The following RBM33 variants were observed in gnomAD, a reference collection of about 807,000 sequenced individuals.
RBM33 encodes RNA-binding protein 33.
Under a neutral mutation model 132.6 loss-of-function variants are expected in RBM33, and 28 were observed. The ratio of observed to expected loss-of-function variants is 0.21; its 90% CI spans 0.16 to 0.29. RBM33 has a LOEUF of 0.29. RBM33 is among the 10% of genes least tolerant of loss of function. The probability of loss-of-function intolerance (pLI) is 1.00; values close to 1 mark genes in which losing one functional copy is unlikely to be tolerated. For missense variants in RBM33, 1,291 were observed against 1,518.5 expected, an observed-to-expected ratio of 0.85 and a Z score of 2.49; for synonymous variants, 634 against 593.0, an observed-to-expected ratio of 1.07 and a Z score of -1.01.
At chr7:155,761,022 G>C (rs1802018821) in intron 14 of RBM33, among the ~76,000 whole-genome samples, 1 of 152,202 alleles carries the variant, frequency 6.6e-6, no homozygotes, top group African/African-American at 2.4e-5. Context: ...AGCGTTAGGT[G>C]GGAGAACCCA....
chr7:155,737,505 C>CT, intron 9 of RBM33, 25 bp from the exon 10 acceptor site: 1 of 1,563,760 alleles, frequency 6.4e-7, no homozygotes. Flanking sequence ...CACCCTGTTT[C>CT]TCTGTTGTTG....
At chr7:155,662,021 C>T (rs1320829266) in intron 1 of RBM33, among the ~76,000 whole-genome samples, 1 of 152,102 alleles carries the variant, frequency 6.6e-6, no homozygotes, top group African/African-American at 2.4e-5. Context: ...GGGCTAATTA[C>T]TGTTATTTGC....
intron 1 of RBM33, among the ~76,000 whole-genome samples, chr7:155,660,355 T>TCA (rs1798607088): frequency 6.6e-6 from 1 of 152,288 alleles, no homozygotes; most frequent in African/African-American, 2.4e-5. Context: ...CAGGCATGAG[T>TCA]CACTATGCTC....
chr7:155,682,228 GT>G (rs1799356805), intron 5 of RBM33, among the ~76,000 whole-genome samples: 1 of 152,014 alleles, frequency 6.6e-6, no homozygotes, highest in Non-Finnish European at 1.5e-5. Context: ...GCCCTCAATA[GT>G]TTTAAGATTT....
intron 14 of RBM33, among the ~76,000 whole-genome samples, chr7:155,754,363 A>G (rs1801779808): frequency 6.6e-6 from 1 of 152,122 alleles, no homozygotes; most frequent in Non-Finnish European, 1.5e-5. Context: ...GTTCTGCAGA[A>G]CTTGCTCAGT....
intron 1 of RBM33, among the ~76,000 whole-genome samples, chr7:155,662,762 A>G (rs1798687086): frequency 6.6e-6 from 1 of 151,586 alleles, no homozygotes; most frequent in South Asian, 2.1e-4. Flanking sequence ...AGGAGCCCAC[A>G]TGTCTCAGTA....
chr7:155,691,864 AC>A (rs1407423857), intron 5 of RBM33, among the ~76,000 whole-genome samples: 1 of 152,102 alleles, frequency 6.6e-6, no homozygotes, highest in East Asian at 1.9e-4. Flanking sequence ...AACATGGGCA[AC>A]ATGGCAAAGC....
At chr7:155,730,310 A>G (rs1435319430) in intron 9 of RBM33, among the ~76,000 whole-genome samples, 1 of 152,198 alleles carries the variant, frequency 6.6e-6, no homozygotes, top group Admixed American at 6.5e-5. Flanking sequence ...CAGGGAATCT[A>G]TACTGATTTG....
chr7:155,745,224 A>C lies in RBM33; in HGVS notation c.2601A>C (p.Arg867Ser). 6.2e-7 allele frequency: 1 copy of C among 1,612,674 alleles called. No individual in the cohort carries two copies. The highest frequency in any genetic ancestry group is 8.5e-7 in the Non-Finnish European group (1 of 1,179,258). ...TGCCCTTTCCAGGTGCACAGGTCAG[A>C]CAAAATGTGAAGAACAGACTTCTTG... is the stretch of plus-strand genomic sequence containing the variant. ...PLLPFPGAQV[R>S]QNVKNRLLVK... The change falls in exon 14 of 18, where the codon AGA becomes AGC. Residue 867 changes from arginine (R) to serine (S), a missense_variant. Physicochemically the swap from Arg to Ser is moderately radical, Grantham distance 110 (BLOSUM62 -1). This residue lies in a region of RBM33 where 841 missense variants were observed against 912.0 expected (regional missense o/e 0.92). Transcript: ENST00000401878. The surrounding 1 kb of genome is among the most constrained non-coding windows in gnomAD (Gnocchi z 4.1).
intron 5 of RBM33, among the ~76,000 whole-genome samples, chr7:155,683,270 CA>C (rs1185837178): frequency 6.6e-6 from 1 of 152,190 alleles, no homozygotes; most frequent in African/African-American, 2.4e-5. Context: ...TCTTGCTCGG[CA>C]ATGGGAGCCT....
chr7:155,734,578 T>C (rs1563166275), intron 9 of RBM33, among the ~76,000 whole-genome samples: 1 of 152,236 alleles, frequency 6.6e-6, no homozygotes, highest in African/African-American at 2.4e-5. Context: ...TTGTCTCTTT[T>C]TGGTGTCTCA....
At position 155,745,108 on chromosome 7, in the gene RBM33, C is replaced by G; in HGVS notation, c.2485C>G (p.Gln829Glu). Residue 829 changes from glutamine (Q) to glutamate (E), a missense_variant, in exon 14 of 18, where the codon CAG becomes GAG. Gln to Glu is a conservative substitution (Grantham distance 29). This residue lies in a region of RBM33 where 841 missense variants were observed against 912.0 expected (regional missense o/e 0.92). Transcript: ENST00000401878. The surrounding 1 kb of genome is among the most constrained non-coding windows in gnomAD (Gnocchi z 4.1). ...RKKELLERLA[Q>E]QQQQLYAPPP... is the part of the protein sequence containing the mutation. ...GAAGGAGCTGCTGGAGAGACTCGCG[C>G]AGCAACAGCAGCAGCTGTACGCTCC... 6.3e-7 allele frequency: 1 copy of G among 1,597,860 alleles called. No homozygotes were observed.
chr7:155,673,835 A>T (rs1273533153), intron 3 of RBM33, among the ~76,000 whole-genome samples: 1 of 151,146 alleles, frequency 6.6e-6, no homozygotes, highest in Non-Finnish European at 1.5e-5. Flanking sequence ...TATAAAACAC[A>T]TAAAAGTAGA....
At chr7:155,684,792 G>T in intron 5 of RBM33, 1 of 882,796 alleles carries the variant, frequency 1.1e-6, no homozygotes, top group Non-Finnish European at 1.7e-6. Context: ...TTCTGGGCCT[G>T]GTGCTTTGTG....
intron 14 of RBM33, among the ~76,000 whole-genome samples, chr7:155,762,139 C>A (rs1489320260): frequency 6.6e-6 from 1 of 152,224 alleles, no homozygotes; most frequent in African/African-American, 2.4e-5. Flanking sequence ...TTGGGGCTTC[C>A]CAGGCAGCCA....
At chr7:155,650,505 A>C (rs1798325445) in intron 1 of RBM33, among the ~76,000 whole-genome samples, 1 of 152,090 alleles carries the variant, frequency 6.6e-6, no homozygotes, top group African/African-American at 2.4e-5. Flanking sequence ...GTTGGATTTC[A>C]TTTTAGGATT....
At position 155,665,522 on chromosome 7, in the gene RBM33, T is replaced by C. The variant is rs149331162; in HGVS notation, c.122+269T>C. On this transcript the variant is annotated intron_variant, in intron 2 of 17. Coordinates refer to ENST00000401878, the MANE Select transcript of RBM33 (RefSeq NM_053043.3). ...GTTTTTGTACAGTAATGATACTGAC[T>C]TTGTGGACACCCAGAACCATTACTG... Among the ~76,000 whole-genome samples the C allele has an allele frequency of 2.8e-3, 423 of 152,386 alleles. 1 individual carries two copies. The highest frequency in any genetic ancestry group is 0.01 in the Middle Eastern group (3 of 294).
At chr7:155,738,435 A>C (rs1313497479) in intron 11 of RBM33, 32 bp downstream of exon 11, 1 of 1,567,664 alleles carries the variant, frequency 6.4e-7, no homozygotes, top group Non-Finnish European at 8.7e-7. Context: ...TCCAGGGAAA[A>C]AATGTGTAGC....
intron 2 of RBM33, among the ~76,000 whole-genome samples, chr7:155,668,511 C>T (rs1798859959): frequency 1.3e-5 from 2 of 152,068 alleles, no homozygotes; most frequent in Non-Finnish European, 2.9e-5. Flanking sequence ...CGGGGTGTGG[C>T]AGTGTAGTAA....
Sources: allele counts gnomAD v4.1 joint callset (sites outside exome capture counted in the v4.1 genomes callset), GRCh38; gene constraint gnomAD v4.1.1; regional missense constraint gnomAD v4.1.1; non-coding constraint Gnocchi (gnomAD v3.1); transcripts MANE v1.5; gene names NCBI Gene and HGNC (gene_info 2026-07-23, HGNC 2026-07-21).